The following SETD2 variants were observed in gnomAD, a reference collection of about 807,000 sequenced individuals.
The protein encoded by SETD2 is histone-lysine N-methyltransferase SETD2.
A neutral mutation model predicts 242.1 loss-of-function variants in SETD2; 31 were observed. That is an observed-to-expected ratio of 0.13 (90% CI 0.10 to 0.17). The LOEUF is 0.17. Among genes scored for constraint, SETD2 ranks in the 10% least tolerant of loss-of-function variants. The probability of loss-of-function intolerance (pLI) is 1.00; values close to 1 mark genes in which losing one functional copy is unlikely to be tolerated. For synonymous variants in SETD2, 1,006 were observed against 1,066.5 expected, an observed-to-expected ratio of 0.94 and a Z score of 1.11; for missense variants, 2,481 against 3,046.3, an observed-to-expected ratio of 0.81 and a Z score of 4.37.
chr3:47,067,220 C>G lies in SETD2; in HGVS notation c.6061-102G>C, dbSNP rs2040595187. ...ATGACAATAAAGAAATGGAAAGTAA[C>G]AAGCTGGTACTTATTCTCTAAAATT... On this transcript the variant is annotated intron_variant, in intron 12 of 20. Transcript: ENST00000409792. 5 of 857,550 alleles carry G rather than the reference C, an allele frequency of 5.8e-6. No individual in the cohort carries two copies. In the East Asian group the frequency reaches 1.2e-4, roughly 21 times the overall value. 53.1% of individuals were successfully genotyped at this position (857,550 alleles called of 1,614,324 possible). A position where few individuals can be genotyped will look rare whatever the true frequency, so the allele number is the denominator to read the frequency against.
chr3:47,046,903 CA>C, intron 15 of SETD2: 1 of 198,524 alleles, frequency 5.0e-6, no homozygotes, highest in Non-Finnish European at 1.0e-5. Context: ...GTTTAGCTTT[CA>C]ATGACATTGG....
In SETD2 at chr3:47,122,975, C is replaced by G. The variant is rs375514539; in HGVS notation, c.1661G>C (p.Arg554Pro). Residue 554 changes from arginine to proline, a missense_variant, in exon 3 of 21, where the codon CGT (arginine) becomes CCT (proline). Arg to Pro is a moderately radical substitution (Grantham distance 103). This residue lies in a region of SETD2 where 1,300 missense variants were observed against 1,259.2 expected (regional missense o/e 1.03). Transcript: ENST00000409792. ...SYSKHDSSAS[R>P]YKSTLSKPIP... ...AGGTTTTGAAAGGGTAGATTTATAACGGGAAGCACTACTGTCATGCTTAGA... is the reference window on the plus strand; with the variant it reads ...AGGTTTTGAAAGGGTAGATTTATAAGGGGAAGCACTACTGTCATGCTTAGA... The G allele has an allele frequency of 1.2e-6, 2 of 1,613,810 alleles. No homozygotes were observed. The highest frequency in any genetic ancestry group is 1.7e-6 in the Non-Finnish European group (2 of 1,179,758).
At chr3:47,019,381 A>C (rs1234375040) in intron 19 of SETD2, among the ~76,000 whole-genome samples, 1 of 152,216 alleles carries the variant, frequency 6.6e-6, no homozygotes, top group African/African-American at 2.4e-5. Context: ...TGAAGTGCTT[A>C]ACCAGTTGAA....
intron 1 of SETD2, among the ~76,000 whole-genome samples, chr3:47,128,655 T>G (rs1575827222): frequency 6.6e-6 from 1 of 152,116 alleles, no homozygotes; most frequent in African/African-American, 2.4e-5. Context: ...ATTAACCATT[T>G]TTTTCTACTC....
chr3:47,158,805 G>A (rs749305083), intron 1 of SETD2, among the ~76,000 whole-genome samples: 2 of 152,080 alleles, frequency 1.3e-5, no homozygotes, highest in Non-Finnish European at 2.9e-5. Context: ...TAAAATATCT[G>A]ATTTCTACAC....
intron 2 of SETD2, among the ~76,000 whole-genome samples, chr3:47,125,245 G>A (rs556162876): frequency 2.6e-4 from 40 of 152,074 alleles, no homozygotes; most frequent in Non-Finnish European, 3.8e-4. Context: ...CTGGAACCCC[G>A]GAGGCAGAGG....
intron 12 of SETD2, among the ~76,000 whole-genome samples, chr3:47,075,235 T>A (rs1219014943): frequency 6.6e-6 from 1 of 151,790 alleles, no homozygotes; most frequent in African/African-American, 2.4e-5. Flanking sequence ...TTCAGACTTA[T>A]TATAGTTTCT....
chr3:47,062,371 G>GTT (rs10589946), intron 13 of SETD2, 25 bp from the exon 14 acceptor site: 624 of 1,363,016 alleles, frequency 4.6e-4, no homozygotes, highest in South Asian at 7.3e-4. Flanking sequence ...TGGTTTGTTT[G>GTT]TTTTTTTTTT....
In SETD2 at chr3:47,079,783, C is replaced by A. The variant is rs183494823; in HGVS notation, c.6060+3937G>T. Among the ~76,000 whole-genome samples the A allele has an allele frequency of 1.0e-3, 155 of 152,240 alleles. 1 individual carries two copies. Among genetic ancestry groups the A allele is most frequent in the African/African-American group, 3.4e-3 (143 of 41,546 alleles). On this transcript the variant is annotated intron_variant, in intron 12 of 20. Transcript: ENST00000409792. ...TTATTTACAAAAACAGACAGTGGGG[C>A]AGATTTGGCCAACCCTTGATTTAGA...
chr3:47,112,026 TTTATA>T, intron 5 of SETD2, among the ~76,000 whole-genome samples: 1 of 152,274 alleles, frequency 6.6e-6, no homozygotes, highest in East Asian at 1.9e-4. Flanking sequence ...CATTTTTTCT[TTTATA>T]TATTTTTTAA....
At chr3:47,021,015 T>G (rs1323986271) in intron 18 of SETD2, among the ~76,000 whole-genome samples, 1 of 152,154 alleles carries the variant, frequency 6.6e-6, no homozygotes, top group African/African-American at 2.4e-5. Flanking sequence ...GGGGGTAGAG[T>G]AAAAAGAATA....
rs2106716570 is a variant in SETD2, at chr3:47,123,963, C to T, written c.673G>A (p.Ala225Thr). 1 of 1,550,414 alleles carries T rather than the reference C, an allele frequency of 6.4e-7. No individual in the cohort carries two copies. Among genetic ancestry groups the T allele is most frequent in the Non-Finnish European group, 8.7e-7 (1 of 1,145,394 alleles). The stretch of plus-strand genomic sequence containing the variant: ...ACATCTACTGGTAAGGGTACTGGTG[C>T]TGCCATTAGAACTGTTATTGGTGTA... ...PHTPITVLMA[A>T]PVPLPVDVAV... The change falls in exon 3 of 21, where the codon GCA becomes ACA. Residue 225 changes from alanine to threonine, a missense_variant. Around this residue, in one of 17 missense-constraint regions of SETD2, gnomAD observed 334 missense variants for 374.5 expected, o/e 0.89. Coordinates refer to ENST00000409792, the MANE Select transcript of SETD2 (RefSeq NM_014159.7).
At chr3:47,110,717 C>T (rs1353795899) in intron 5 of SETD2, among the ~76,000 whole-genome samples, 1 of 152,082 alleles carries the variant, frequency 6.6e-6, no homozygotes, top group Non-Finnish European at 1.5e-5. Flanking sequence ...ATTGGTATTA[C>T]ACATCATCAT....
At chr3:47,098,127 C>A (rs2107675202) in intron 8 of SETD2, 46 bp from the exon 9 acceptor site, 2 of 1,603,978 alleles carry the variant, frequency 1.2e-6, no homozygotes, top group Non-Finnish European at 1.7e-6. Flanking sequence ...GGAAGTAAAC[C>A]ATACAAAACT....
At chr3:47,044,119 G>C (rs1169772394) in intron 16 of SETD2, among the ~76,000 whole-genome samples, 1 of 151,898 alleles carries the variant, frequency 6.6e-6, no homozygotes, top group Non-Finnish European at 1.5e-5. Context: ...GAGGCAGGTG[G>C]ATCACGAGGT....
At chr3:47,038,146 G>T (rs145567025) in intron 17 of SETD2, among the ~76,000 whole-genome samples, 36 of 152,308 alleles carry the variant, frequency 2.4e-4, no homozygotes, top group African/African-American at 8.2e-4. Flanking sequence ...CTCTGTAGAT[G>T]AAGAGGTAAA....
intron 1 of SETD2, among the ~76,000 whole-genome samples, chr3:47,134,706 T>C (rs2043554752): frequency 6.6e-6 from 1 of 152,024 alleles, no homozygotes; most frequent in African/African-American, 2.4e-5. Context: ...CTTGGCTCAC[T>C]GCAATCTCCG....
At chr3:47,067,871 T>C (rs532838927) in intron 12 of SETD2, among the ~76,000 whole-genome samples, 45 of 152,300 alleles carry the variant, frequency 3.0e-4, no homozygotes, top group African/African-American at 1.0e-3. Flanking sequence ...ACATGACTAA[T>C]GGCCAATGTA....
chr3:47,051,992 C>T lies in SETD2; in HGVS notation c.6963+4829G>A, dbSNP rs987721649. Among the ~76,000 whole-genome samples, 10 of 152,122 alleles carry T rather than the reference C, an allele frequency of 6.6e-5. No individual in the cohort carries two copies. In the South Asian group the frequency reaches 1.9e-3, roughly 28 times the overall value. ...CCAAATGTTGGCTGGGAGATAACAA[C>T]AGCAGTATCTACTTATGTTAAAAGC... On this transcript the variant is annotated intron_variant, in intron 15 of 20. Transcript: ENST00000409792.
Sources: gnomAD v4.1 joint callset for allele counts (sites outside exome capture counted in the v4.1 genomes callset) on GRCh38, gnomAD v4.1.1 for gene constraint, gnomAD v4.1.1 regional missense constraint, MANE v1.5 for transcripts, NCBI Gene and HGNC (gene_info 2026-07-23, HGNC 2026-07-21) for gene names.